CHD9: variants seen among roughly 807,000 people sequenced by gnomAD.
CHD9 encodes the protein chromodomain helicase DNA binding protein 9.
Under a neutral mutation model 316.1 loss-of-function variants are expected in CHD9, and 77 were observed. The observed-to-expected ratio is 0.24, with a 90% CI of 0.20 to 0.29. CHD9 has a LOEUF of 0.29. CHD9 is among the 10% of genes least tolerant of loss of function. CHD9 has a pLI of 1.00. For synonymous variants in CHD9, 1,129 were observed against 1,158.3 expected (o/e 0.97, Z 0.51); for missense variants, 2,763 against 3,438.1 (o/e 0.80, Z 4.91).
intron 2 of CHD9, among the ~76,000 whole-genome samples, chr16:53,170,786 T>G (rs2042652685): frequency 6.6e-6 from 1 of 152,148 alleles, no homozygotes; most frequent in South Asian, 2.1e-4. Flanking sequence ...CACAAATTTT[T>G]GAGAACATAA....
chr16:53,206,509 T>A (rs1329079738), intron 2 of CHD9, among the ~76,000 whole-genome samples: 1 of 152,192 alleles, frequency 6.6e-6, no homozygotes, highest in Non-Finnish European at 1.5e-5. Context: ...GAGTGTGGTC[T>A]CCCTAACAAG....
At chr16:53,268,996 AG>A (rs2051958641) in intron 22 of CHD9, among the ~76,000 whole-genome samples, 1 of 151,968 alleles carries the variant, frequency 6.6e-6, no homozygotes, top group African/African-American at 2.4e-5. Context: ...TTGCAGAGTC[AG>A]GGTCCTACCA....
At position 53,226,810 on chromosome 16, in the gene CHD9, C is replaced by T. The variant is rs527410548; in HGVS notation, c.2043+298C>T. ...TTACAAGTTTAATCATATTATTTTT[C>T]TACTGAAAACTCCTCTAATAGTTTC... On this transcript the variant is annotated intron_variant, in intron 5 of 38. Transcript: ENST00000447540. 1.1e-3 allele frequency among the ~76,000 whole-genome samples: 168 copies of T among 152,240 alleles called. 1 individual carries two copies. Among genetic ancestry groups the T allele is most frequent in the Non-Finnish European group, 1.8e-3 (124 of 67,992 alleles).
intron 1 of CHD9, among the ~76,000 whole-genome samples, chr16:53,074,759 A>G (rs1401266902): frequency 6.6e-6 from 1 of 152,216 alleles, no homozygotes; most frequent in Non-Finnish European, 1.5e-5. Flanking sequence ...TAGAAGATGT[A>G]TGGAGACGCC....
chr16:53,087,453 G>A (rs755777615), intron 1 of CHD9, among the ~76,000 whole-genome samples: 3 of 152,168 alleles, frequency 2.0e-5, no homozygotes, highest in Non-Finnish European at 4.4e-5. Flanking sequence ...CTCATGCAGT[G>A]GATAGGATGC....
In CHD9 at chr16:53,267,988, G is replaced by A. The variant is rs2051862932; in HGVS notation, c.4579G>A (p.Asp1527Asn). 2.5e-6 allele frequency: 4 copies of A among 1,613,592 alleles called. No individual in the cohort carries two copies. Among genetic ancestry groups the A allele is most frequent in the South Asian group, 1.1e-5 (1 of 91,074 alleles). The change falls in exon 22 of 39, where the codon GAT becomes AAT. Residue 1527 changes from aspartate to asparagine, a missense_variant. Physicochemically the swap from Asp to Asn is conservative, Grantham distance 23. Around this residue, in one of 15 missense-constraint regions of CHD9, gnomAD observed 99 missense variants for 131.6 expected, o/e 0.75. Coordinates refer to ENST00000447540, the MANE Select transcript of CHD9 (RefSeq NM_001308319.2). ...GRFKRQLNEH[D>N]VEIICRALLA... ...TTTCAAAAGGCAGCTAAATGAACAC[G>A]ATGTAGAGATAATTTGCCGAGCTCT... is the stretch of plus-strand genomic sequence containing the variant.
intron 36 of CHD9, among the ~76,000 whole-genome samples, chr16:53,315,540 G>A (rs757936148): frequency 6.6e-6 from 1 of 152,028 alleles, no homozygotes; most frequent in Admixed American, 6.6e-5. Context: ...GTGCAGTGAC[G>A]TGATCTCGGC....
At chr16:53,118,722 C>G (rs1283278274) in intron 1 of CHD9, among the ~76,000 whole-genome samples, 1 of 151,400 alleles carries the variant, frequency 6.6e-6, no homozygotes, top group South Asian at 2.1e-4. Flanking sequence ...AATACTTTTA[C>G]GTTAGATATC....
At chr16:53,215,399 T>G (rs2046671901) in intron 3 of CHD9, among the ~76,000 whole-genome samples, 1 of 152,236 alleles carries the variant, frequency 6.6e-6, no homozygotes, top group African/African-American at 2.4e-5. Flanking sequence ...AAGCTTATAA[T>G]ACAATGTAAC....
chr16:53,122,136 A>G (rs1270774372), intron 1 of CHD9: 2 of 149,096 alleles, frequency 1.3e-5, no homozygotes, highest in East Asian at 3.9e-4. Flanking sequence ...TCAGCCTGTG[A>G]ATGGATGTCA....
At chr16:53,102,363 A>AATT (rs980760606) in intron 1 of CHD9, among the ~76,000 whole-genome samples, 3 of 151,808 alleles carry the variant, frequency 2.0e-5, no homozygotes, top group Admixed American at 2.0e-4. Context: ...GTCTAATAAT[A>AATT]ATTATTATTA....
At chr16:53,101,232 G>A (rs1474794568) in intron 1 of CHD9, among the ~76,000 whole-genome samples, 1 of 151,044 alleles carries the variant, frequency 6.6e-6, no homozygotes, top group Non-Finnish European at 1.5e-5. Context: ...CTGCTGACTG[G>A]AATAAATCTT....
At chr16:53,137,747 T>C (rs2039826979) in intron 1 of CHD9, among the ~76,000 whole-genome samples, 1 of 152,206 alleles carries the variant, frequency 6.6e-6, no homozygotes, top group Non-Finnish European at 1.5e-5. Context: ...GTACCCATGT[T>C]GTACCTGTTG....
chr16:53,234,538 G>A (rs992176426), intron 10 of CHD9, among the ~76,000 whole-genome samples: 3 of 145,088 alleles, frequency 2.1e-5, no homozygotes, highest in African/African-American at 5.1e-5. Flanking sequence ...ATTAGGAGTG[G>A]ATGTTAAATT....
intron 37 of CHD9, among the ~76,000 whole-genome samples, chr16:53,319,604 C>T (rs1046669357): frequency 6.6e-6 from 1 of 152,062 alleles, no homozygotes; most frequent in African/African-American, 2.4e-5. Context: ...CCTTCTTCTT[C>T]ATCTTATACC....
At chr16:53,215,649 A>G (rs113756023) in intron 3 of CHD9, among the ~76,000 whole-genome samples, 24 of 152,088 alleles carry the variant, frequency 1.6e-4, no homozygotes, top group Non-Finnish European at 3.2e-4. Context: ...TTTTTCTCTT[A>G]TGATGAATTG....
chr16:53,315,122 C>A, intron 36 of CHD9, 78 bp downstream of exon 36: 3 of 1,032,344 alleles, frequency 2.9e-6, no homozygotes, highest in South Asian at 3.2e-5. Flanking sequence ...CATAAATTCT[C>A]ATCCACTTAT....
At chr16:53,248,516 T>G (rs1597633166) in intron 16 of CHD9, among the ~76,000 whole-genome samples, 3 of 77,216 alleles carry the variant, frequency 3.9e-5, no homozygotes, top group Admixed American at 2.2e-4. Context: ...CTTTGTTGGT[T>G]TTTTTTTTTG....
intron 1 of CHD9, among the ~76,000 whole-genome samples, chr16:53,098,948 C>A (rs374898064): frequency 1.3e-5 from 2 of 152,252 alleles, no homozygotes; most frequent in East Asian, 3.9e-4. Flanking sequence ...CTATAGTGTA[C>A]GGGGCAGGAG....
Sources: allele counts gnomAD v4.1 joint callset (sites outside exome capture counted in the v4.1 genomes callset), GRCh38; gene constraint gnomAD v4.1.1; regional missense constraint gnomAD v4.1.1; transcripts MANE v1.5; gene names NCBI Gene and HGNC (gene_info 2026-07-23, HGNC 2026-07-21).